Variants in NLRP5 observed in about 807,000 individuals in gnomAD.
NLRP5 encodes NLR family pyrin domain containing 5, also known as NACHT, LRR and PYD domains-containing protein 5.
NLRP5 carries 93 observed loss-of-function variants against 113.1 expected under a neutral mutation model. That is an observed-to-expected ratio of 0.82 (90% confidence interval 0.70 to 0.98). The LOEUF (loss-of-function observed/expected upper bound fraction) is 0.98. NLRP5 is among the 50% of genes least tolerant of loss of function. The probability of loss-of-function intolerance (pLI) is 0.00; values close to 1 mark genes in which losing one functional copy is unlikely to be tolerated. For synonymous variants in NLRP5, 751 were observed against 600.7 expected (o/e 1.25, Z -3.66); for missense variants, 1,808 against 1,514.3 (o/e 1.19, Z -3.22).
intron 3 of NLRP5, 136 bp from the exon 4 acceptor site, chr19:56,015,606 G>A (rs1982373820): frequency 3.6e-6 from 2 of 561,146 alleles, no homozygotes; most frequent in South Asian, 9.0e-5. Context: ...CTGGCGCTGA[G>A]CCAGTGGTTC....
At chr19:56,023,520 G>C (rs1040311812) in intron 6 of NLRP5, among the ~76,000 whole-genome samples, 25 of 152,190 alleles carry the variant, frequency 1.6e-4, no homozygotes, top group Admixed American at 1.2e-3. Flanking sequence ...GCTACATGCT[G>C]AGCGGTGCGT....
At chr19:56,056,654 C>T (rs560815671) in intron 13 of NLRP5, among the ~76,000 whole-genome samples, 1 of 152,334 alleles carries the variant, frequency 6.6e-6, no homozygotes, top group East Asian at 1.9e-4. Context: ...CCGTGTGCAG[C>T]ACCTTATACC....
Position 56,038,094 on chromosome 19 carries a change from C to G in NLRP5, c.2685C>G (p.Ser895Arg), listed in dbSNP as rs1315187774. 5.0e-6 allele frequency: 8 copies of G among 1,613,918 alleles called. No individual in the cohort carries two copies. The highest frequency in any genetic ancestry group is 6.8e-6 in the Non-Finnish European group (8 of 1,179,808). ...CCCAAATCCTTACGACCTCCCCCAG[C>G]CTGAAATCTCTGAGCCTGGCAGGAA... Residue 895 changes from serine (S) to arginine (R), a missense_variant, in exon 10 of 15, where the codon AGC becomes AGG. Transcript: ENST00000390649.
intron 3 of NLRP5, among the ~76,000 whole-genome samples, chr19:56,009,811 T>C (rs545618929): frequency 6.6e-6 from 1 of 152,294 alleles, no homozygotes; most frequent in South Asian, 2.1e-4. Context: ...CCAACCTCGT[T>C]TTGATGGAGC....
intron 11 of NLRP5, among the ~76,000 whole-genome samples, chr19:56,048,062 A>G (rs529030613): frequency 3.9e-5 from 6 of 152,248 alleles, no homozygotes; most frequent in African/African-American, 1.2e-4. Context: ...TTTGGTGTCC[A>G]TTTGCATGAA....
chr19:56,036,351 G>T (rs1983316440), intron 9 of NLRP5, among the ~76,000 whole-genome samples: 1 of 150,642 alleles, frequency 6.6e-6, no homozygotes, highest in South Asian at 2.1e-4. Flanking sequence ...ACAGGCTTGA[G>T]CCACTGCGCC....
chr19:55,999,011 T>C (rs1307909582), upstream of NLRP5, among the ~76,000 whole-genome samples: 2 of 151,648 alleles, frequency 1.3e-5, no homozygotes, highest in African/African-American at 2.4e-5. Flanking sequence ...CATTATTAAC[T>C]CTAGTTGCCA....
intron 1 of NLRP5, among the ~76,000 whole-genome samples, chr19:56,002,939 T>C (rs954919017): frequency 6.6e-6 from 1 of 152,044 alleles, no homozygotes; most frequent in African/African-American, 2.4e-5. Flanking sequence ...TGGCGATCAT[T>C]AAAAAGTCAG....
At chr19:56,043,544 T>C (rs1290096529) in intron 11 of NLRP5, among the ~76,000 whole-genome samples, 5 of 6,948 alleles carry the variant, frequency 7.2e-4, no homozygotes, top group East Asian at 4.6e-3. Flanking sequence ...CTGCTATTCT[T>C]TTTTTTTTTT....
At position 56,028,320 on chromosome 19, in the gene NLRP5, A is replaced by C; in HGVS notation, c.2087A>C (p.Asp696Ala). ...TTCCACTGTCTTTTCGAGACTCAAG[A>C]CAAAGAGTTTGTTCGCTTGGCATTA... Residue 696 changes from aspartate to alanine, a missense_variant, in exon 7 of 15, where the codon GAC (aspartate) becomes GCC (alanine). Asp to Ala is a moderately radical substitution (Grantham distance 126). Coordinates refer to ENST00000390649, the MANE Select transcript of NLRP5 (RefSeq NM_153447.4). The C allele has an allele frequency of 6.2e-7, 1 of 1,613,972 alleles. No homozygotes were observed. The highest frequency in any genetic ancestry group is 8.5e-7 in the Non-Finnish European group (1 of 1,179,888).
intron 1 of NLRP5, chr19:55,999,823 G>A (rs780148496): frequency 5.2e-6 from 8 of 1,524,336 alleles, no homozygotes; most frequent in East Asian, 2.3e-5. Context: ...TGAGGAAACC[G>A]ACCCTCAGCC....
chr19:56,060,987 G>A (rs953141746), intron 14 of NLRP5, among the ~76,000 whole-genome samples: 3 of 151,528 alleles, frequency 2.0e-5, no homozygotes, highest in Admixed American at 6.6e-5. Flanking sequence ...GAAGAAAAGA[G>A]GAGATCTAGA....
intron 6 of NLRP5, among the ~76,000 whole-genome samples, chr19:56,024,445 TTATA>T (rs1035878106): frequency 4.8e-5 from 7 of 145,740 alleles, no homozygotes; most frequent in African/African-American, 1.0e-4. Context: ...ATACATATAT[TTATA>T]TATACGTACA....
chr19:56,053,409 T>A (rs890181595), intron 12 of NLRP5, among the ~76,000 whole-genome samples: 2 of 151,834 alleles, frequency 1.3e-5, no homozygotes, highest in African/African-American at 2.4e-5. Flanking sequence ...AAAAAATTAA[T>A]TAAAAAATAA....
chr19:56,040,851 T>C, intron 10 of NLRP5, 71 bp from the exon 11 acceptor site: 3 of 1,347,238 alleles, frequency 2.2e-6, no homozygotes, highest in Non-Finnish European at 1.0e-6. Flanking sequence ...TTCCCCTCCT[T>C]GTAAAGGAGG....
In NLRP5 at chr19:56,020,396, A is replaced by G. The variant is rs768944243; in HGVS notation, c.644A>G (p.Gln215Arg). 1.2e-6 allele frequency: 2 copies of G among 1,613,422 alleles called. No individual in the cohort carries two copies. Among genetic ancestry groups the G allele is most frequent in the African/African-American group, 1.3e-5 (1 of 74,866 alleles). The change falls in exon 6 of 15, where the codon CAA becomes CGA. Residue 215 changes from glutamine (Q) to arginine (R), a missense_variant. By Grantham distance (43) the Gln-to-Arg change is conservative. Transcript: ENST00000390649. Reference sequence around the variant, plus strand: ...GCAGAAATTTCACAAGCTATGGAACAAGAAGGTGCCACAGCAGCAGAGACA... The same window carrying G: ...GCAGAAATTTCACAAGCTATGGAACGAGAAGGTGCCACAGCAGCAGAGACA...
rs187767033 is a variant in NLRP5, at chr19:56,015,322, G to T, written c.509-420G>T. Among the ~76,000 whole-genome samples, 8 of 152,160 alleles carry T rather than the reference G, an allele frequency of 5.3e-5. No individual in the cohort carries two copies. The South Asian group carries it at 1.2e-3, about 24-fold the overall frequency. On this transcript the variant is annotated intron_variant, in intron 3 of 14. Transcript: ENST00000390649. ...GCAATTCTCCTGCCTCAGCCTTCCAGTAGATGGGATTACAGGCACACGCCA... is the reference window on the plus strand; with the variant it reads ...GCAATTCTCCTGCCTCAGCCTTCCATTAGATGGGATTACAGGCACACGCCA...
rs190547135 is a variant in NLRP5, at chr19:56,001,090, G to A, written c.62+1303G>A. Among the ~76,000 whole-genome samples the A allele has an allele frequency of 2.4e-4, 37 of 151,798 alleles. No homozygotes were observed. In the East Asian group the frequency reaches 6.2e-3, roughly 25 times the overall value. On this transcript the variant is annotated intron_variant, in intron 1 of 14. Coordinates refer to ENST00000390649, the MANE Select transcript of NLRP5 (RefSeq NM_153447.4). ...TAATCCCAACACTTTGGGAGGCCAG[G>A]GGTAAGAGGATTACTTGAGCCCAGG...
Position 56,041,040 on chromosome 19 carries a change from A to C in NLRP5, c.2905A>C (p.Asn969His). 1 of 1,613,912 alleles carries C rather than the reference A, an allele frequency of 6.2e-7. No homozygotes were observed. Among genetic ancestry groups the C allele is most frequent in the East Asian group, 2.2e-5 (1 of 44,864 alleles). Residue 969 changes from asparagine (N) to histidine (H), a missense_variant, in exon 11 of 15, where the codon AAT becomes CAT. Coordinates refer to ENST00000390649, the MANE Select transcript of NLRP5 (RefSeq NM_153447.4). ...CAACAGCCTGGGGAACGAAGGTGTA[A>C]ATCTACTGTGTCGATCCATGAGGCT...
Sources: allele counts gnomAD v4.1 joint callset (sites outside exome capture counted in the v4.1 genomes callset), GRCh38; gene constraint gnomAD v4.1.1; transcripts MANE v1.5; gene names NCBI Gene and HGNC (gene_info 2026-07-23, HGNC 2026-07-21).